Variants in CFAP251 observed in about 807,000 individuals in gnomAD.
CFAP251 encodes cilia and flagella associated protein 251.
A neutral mutation model predicts 126.7 loss-of-function variants in CFAP251; 93 were observed. The observed-to-expected ratio is 0.73, with a 90% CI of 0.62 to 0.87. The LOEUF (loss-of-function observed/expected upper bound fraction) is 0.87, where lower values mean the gene tolerates loss of function less well. Ranked by LOEUF, CFAP251 falls within the 40% of genes least tolerant of loss-of-function variation. CFAP251 has a pLI of 0.00. For missense variants in CFAP251, 1,287 were observed against 1,389.2 expected (o/e 0.93, Z 1.17); for synonymous variants, 503 against 506.9 (o/e 0.99, Z 0.10).
chr12:121,989,598 C>T lies in CFAP251; in HGVS notation c.3007-10118C>T, dbSNP rs925067419. On this transcript the variant is annotated intron_variant, in intron 19 of 21. Transcript: ENST00000288912. The surrounding 1 kb of genome is among the most constrained non-coding windows in gnomAD (Gnocchi z 4.2). Reference sequence around the variant, plus strand: ...CCCACTACTCCCTGCCCCGGGTCAGCGAGGAGATGCAGGGGGTGACCAGGG... The same window carrying T: ...CCCACTACTCCCTGCCCCGGGTCAGTGAGGAGATGCAGGGGGTGACCAGGG... Among the ~76,000 whole-genome samples the T allele has an allele frequency of 5.3e-5, 8 of 152,116 alleles. No individual in the cohort carries two copies. Among genetic ancestry groups the T allele is most frequent in the African/African-American group, 1.4e-4 (6 of 41,418 alleles).
chr12:121,957,661 G>A (rs1188265299), intron 11 of CFAP251, among the ~76,000 whole-genome samples: 9 of 137,066 alleles, frequency 6.6e-5, no homozygotes, highest in Admixed American at 2.5e-4. Flanking sequence ...CTGAGATAGC[G>A]CCACTCTACT....
chr12:121,956,051 G>C (rs946536413), intron 10 of CFAP251: 2 of 152,122 alleles, frequency 1.3e-5, no homozygotes, highest in African/African-American at 4.8e-5. Context: ...CTCCTCATCT[G>C]CCCCCCGTGA....
At chr12:121,981,204 A>G (rs1209822022) in intron 19 of CFAP251, among the ~76,000 whole-genome samples, 1 of 152,176 alleles carries the variant, frequency 6.6e-6, no homozygotes, top group East Asian at 1.9e-4. Flanking sequence ...ACGGTGGCTC[A>G]CACCTGTAGT....
chr12:121,926,799 C>T (rs964301733), intron 3 of CFAP251, among the ~76,000 whole-genome samples: 7 of 152,154 alleles, frequency 4.6e-5, no homozygotes, highest in African/African-American at 7.2e-5. Context: ...CAAAATCAGC[C>T]GGGCGTGGTG....
intron 17 of CFAP251, 62 bp downstream of exon 17, chr12:121,968,231 A>G: frequency 6.6e-7 from 1 of 1,506,942 alleles, no homozygotes; most frequent in Non-Finnish European, 9.0e-7. Context: ...AGCAACAGTG[A>G]TAGACACTGA....
At position 121,957,367 on chromosome 12, in the gene CFAP251, T is replaced by G. The variant is rs1881762370; in HGVS notation, c.1730+99T>G. 3.3e-6 allele frequency: 4 copies of G among 1,205,074 alleles called. No homozygotes were observed. In the African/African-American group the frequency reaches 6.2e-5, roughly 19 times the overall value. The allele number at this position is 1,205,074 out of a possible 1,614,324, so 74.6% of individuals were successfully genotyped here. On this transcript the variant is annotated intron_variant, in intron 11 of 21. Transcript: ENST00000288912. ...GGAGGTTCGTGTTGTTCCTGGGATA[T>G]CTCCCTGGCTGATTGTGATAACCAC... is the stretch of plus-strand genomic sequence containing the variant.
chr12:121,926,942 T>TCAAA (rs376861827), intron 3 of CFAP251, among the ~76,000 whole-genome samples: 181 of 152,284 alleles, frequency 1.2e-3, no homozygotes, highest in African/African-American at 3.9e-3. Context: ...AGACTCTGTT[T>TCAAA]CAAACAAACA....
intron 3 of CFAP251, among the ~76,000 whole-genome samples, chr12:121,930,084 G>C (rs971459478): frequency 2.0e-5 from 3 of 152,138 alleles, no homozygotes; most frequent in Non-Finnish European, 4.4e-5. Flanking sequence ...TTACCAACAC[G>C]CATGTAACTT....
At chr12:121,973,476 C>T (rs1249799886) in intron 17 of CFAP251, among the ~76,000 whole-genome samples, 1 of 152,150 alleles carries the variant, frequency 6.6e-6, no homozygotes, top group East Asian at 1.9e-4. Flanking sequence ...AAGAGGGCCA[C>T]CATCCTCCAG....
chr12:121,988,114 T>A lies in CFAP251; in HGVS notation c.3007-11602T>A, dbSNP rs568227333. Among the ~76,000 whole-genome samples, 5 of 152,052 alleles carry A rather than the reference T, an allele frequency of 3.3e-5. No individual in the cohort carries two copies. The East Asian group carries it at 5.8e-4, about 18-fold the overall frequency. ...ATTTTAAAAATATTTTAAATATTTT[T>A]AAATATTTTTAAAAATATTTCAAAA... is the stretch of plus-strand genomic sequence containing the variant. On this transcript the variant is annotated intron_variant, in intron 19 of 21. Coordinates refer to ENST00000288912, the MANE Select transcript of CFAP251 (RefSeq NM_144668.6).
Position 122,001,612 on chromosome 12 carries a change from C to G in CFAP251, c.3337+14C>G, listed in dbSNP as rs1883154027. 6.2e-7 allele frequency: 1 copy of G among 1,608,374 alleles called. No homozygotes were observed. On this transcript the variant is annotated intron_variant, in intron 21 of 21. Transcript: ENST00000288912. ...GCTCCGTCAAAGGTACCCCAGCTGG[C>G]TTTGTCTGGGCATGTAGCTGTGGCT...
intron 20 of CFAP251, among the ~76,000 whole-genome samples, chr12:122,000,865 C>CA (rs2135820907): frequency 6.6e-6 from 1 of 151,848 alleles, no homozygotes; most frequent in Non-Finnish European, 1.5e-5. Context: ...GCATATGTGA[C>CA]AGTACCATGG....
chr12:121,971,593 C>CAG (rs1348396696), intron 17 of CFAP251: 2 of 702,840 alleles, frequency 2.8e-6, no homozygotes, highest in African/African-American at 3.5e-5. Context: ...TTATCCCCAT[C>CAG]AGACACATCA....
intron 19 of CFAP251, chr12:121,992,212 A>G (rs1360154552): frequency 6.1e-6 from 6 of 985,342 alleles, no homozygotes; most frequent in African/African-American, 1.7e-5. Flanking sequence ...TCTGCGTTCT[A>G]TTTCCAGCTC....
intron 19 of CFAP251, 130 bp from the exon 20 acceptor site, chr12:121,999,586 A>T: frequency 1.5e-6 from 1 of 657,538 alleles, no homozygotes; most frequent in Non-Finnish European, 2.5e-6. Context: ...TCCTTTGGCC[A>T]CGGCCTCCCA....
chr12:121,951,590 C>T (rs1454538885), intron 9 of CFAP251, 60 bp downstream of exon 9: 3 of 1,279,804 alleles, frequency 2.3e-6, no homozygotes, highest in East Asian at 2.4e-5. Context: ...TATTTATGTG[C>T]AAGCTTAGCT....
Position 122,003,775 on chromosome 12 carries a change from A to G in CFAP251, c.*11A>G, listed in dbSNP as rs570189688. On this transcript the variant is annotated 3_prime_UTR_variant, in exon 22 of 22. Transcript: ENST00000288912. The stretch of plus-strand genomic sequence containing the variant: ...CAGGATGGTCAGTGAAGTTACCAGG[A>G]ATGTTTAAAGCACAAAGGACTTTGG... 6 of 1,595,402 alleles carry G rather than the reference A, an allele frequency of 3.8e-6. No individual in the cohort carries two copies. In the South Asian group the frequency reaches 6.9e-5, roughly 18 times the overall value.
intron 19 of CFAP251, among the ~76,000 whole-genome samples, chr12:121,983,396 C>CAA (rs10713983): frequency 5.7e-5 from 4 of 69,942 alleles, no homozygotes; most frequent in Admixed American, 1.6e-4. Context: ...CATAGCTCTC[C>CAA]AAAAAAAAAA....
intron 7 of CFAP251, among the ~76,000 whole-genome samples, chr12:121,944,558 C>T (rs1432675846): frequency 6.6e-6 from 1 of 152,130 alleles, no homozygotes; most frequent in Non-Finnish European, 1.5e-5. Flanking sequence ...TAATTTCTTT[C>T]AGGGGTGTTT....
Sources: gnomAD v4.1 joint callset for allele counts (sites outside exome capture counted in the v4.1 genomes callset) on GRCh38, gnomAD v4.1.1 for gene constraint, Gnocchi (gnomAD v3.1) non-coding constraint, MANE v1.5 for transcripts, NCBI Gene and HGNC (gene_info 2026-07-23, HGNC 2026-07-21) for gene names.